The following NR1H4 variants were observed in gnomAD, a reference collection of about 807,000 sequenced individuals.
The protein encoded by NR1H4 is bile acid receptor.
In NR1H4, 23 loss-of-function variants were observed where a neutral mutation model predicts 58.5. The observed-to-expected ratio is 0.39, with a 90% CI of 0.28 to 0.56. The LOEUF (loss-of-function observed/expected upper bound fraction) is 0.56. Ranked by LOEUF, NR1H4 falls within the 20% of genes least tolerant of loss-of-function variation. The pLI is 0.58. For missense variants in NR1H4, 487 were observed against 576.9 expected (o/e 0.84, Z 1.60); for synonymous variants, 214 against 198.0 (o/e 1.08, Z -0.68).
At chr12:100,561,343 A>G (rs35725) in intron 9 of NR1H4, among the ~76,000 whole-genome samples, 80,080 of 151,878 alleles carry the variant, frequency 0.53, 21,918 homozygotes, top group Non-Finnish European at 0.62. Flanking sequence ...GCTTGCTGTA[A>G]GCCGAGATCA....
chr12:100,532,415 G>A (rs201826520), intron 4 of NR1H4, 43 bp from the exon 5 acceptor site: 162 of 1,608,416 alleles, frequency 1.0e-4, no homozygotes, highest in African/African-American at 1.3e-5. Context: ...TTCCTGAGAA[G>A]CTGTGAGAGG....
chr12:100,514,007 G>A (rs1954200057), intron 4 of NR1H4, among the ~76,000 whole-genome samples: 1 of 152,226 alleles, frequency 6.6e-6, no homozygotes, highest in Non-Finnish European at 1.5e-5. Context: ...AGTAGCTCTA[G>A]TCAAAAAGTG....
At chr12:100,552,211 C>G (rs1955218698) in intron 9 of NR1H4, among the ~76,000 whole-genome samples, 1 of 152,184 alleles carries the variant, frequency 6.6e-6, no homozygotes, top group Non-Finnish European at 1.5e-5. Flanking sequence ...ACAGTCCAAA[C>G]TCTGGTAACT....
intron 3 of NR1H4, among the ~76,000 whole-genome samples, chr12:100,508,838 C>T (rs1228643767): frequency 6.6e-6 from 1 of 152,176 alleles, no homozygotes; most frequent in Non-Finnish European, 1.5e-5. Context: ...AAGTTTGGCA[C>T]ACACTTTTTT....
At chr12:100,562,902 A>G (rs892361231) in intron 10 of NR1H4, among the ~76,000 whole-genome samples, 1 of 152,242 alleles carries the variant, frequency 6.6e-6, no homozygotes, top group Non-Finnish European at 1.5e-5. Context: ...AAAACTATTC[A>G]GCAGAACCTT....
intron 4 of NR1H4, among the ~76,000 whole-genome samples, chr12:100,529,298 C>T (rs1389825989): frequency 6.6e-6 from 1 of 152,160 alleles, no homozygotes; most frequent in African/African-American, 2.4e-5. Flanking sequence ...TTCTGTCCCA[C>T]TTTAGTTCAG....
chr12:100,548,195 G>A lies in NR1H4; in HGVS notation c.1078+7377G>A, dbSNP rs548527347. On this transcript the variant is annotated intron_variant, in intron 9 of 10. Transcript: ENST00000392986. The stretch of plus-strand genomic sequence containing the variant: ...ATCCTGGCTAACATGGTGAAACCCC[G>A]TCTCTACTAAAAATATAAAAAATTA... Among the ~76,000 whole-genome samples the A allele has an allele frequency of 1.1e-3, 160 of 149,646 alleles. 1 individual carries two copies. The highest frequency in any genetic ancestry group is 1.6e-3 in the Non-Finnish European group (107 of 67,204).
At chr12:100,518,223 G>A (rs1303663553) in intron 4 of NR1H4, among the ~76,000 whole-genome samples, 1 of 152,188 alleles carries the variant, frequency 6.6e-6, no homozygotes, top group Non-Finnish European at 1.5e-5. Flanking sequence ...AGACCAGTGG[G>A]CCAAGGACAA....
intron 1 of NR1H4, among the ~76,000 whole-genome samples, chr12:100,476,276 CAG>C (rs753694362): frequency 3.9e-5 from 6 of 152,226 alleles, no homozygotes; most frequent in South Asian, 4.2e-4. Flanking sequence ...TCCAGCCTGA[CAG>C]GGGTGATTTG....
intron 1 of NR1H4, among the ~76,000 whole-genome samples, chr12:100,486,260 T>C (rs183897637): frequency 1.3e-5 from 2 of 152,210 alleles, no homozygotes; most frequent in South Asian, 2.1e-4. Context: ...TTTCTGCATA[T>C]GTAAAACATT....
At chr12:100,489,486 C>G (rs1953562365) in intron 1 of NR1H4, among the ~76,000 whole-genome samples, 1 of 152,160 alleles carries the variant, frequency 6.6e-6, no homozygotes, top group South Asian at 2.1e-4. Flanking sequence ...TTTATAGGCA[C>G]TGAATATGAA....
At chr12:100,506,263 T>G (rs1953963487) in intron 3 of NR1H4, among the ~76,000 whole-genome samples, 1 of 152,108 alleles carries the variant, frequency 6.6e-6, no homozygotes, top group African/African-American at 2.4e-5. Flanking sequence ...TATTTTACAC[T>G]CAGAACTACC....
intron 3 of NR1H4, among the ~76,000 whole-genome samples, chr12:100,495,003 A>C (rs923268943): frequency 1.3e-5 from 2 of 152,222 alleles, no homozygotes; most frequent in Non-Finnish European, 2.9e-5. Context: ...TTCAGCCAGC[A>C]CAGAAGATTT....
At chr12:100,499,982 C>T (rs949090619) in intron 3 of NR1H4, 25 of 455,812 alleles carry the variant, frequency 5.5e-5, no homozygotes, top group Admixed American at 5.4e-4. Context: ...ATCACAAGTA[C>T]TCTATTTGCC....
chr12:100,512,765 C>T (rs754297441), intron 4 of NR1H4, among the ~76,000 whole-genome samples: 1 of 152,188 alleles, frequency 6.6e-6, no homozygotes. Context: ...AGGCACTCTG[C>T]TAACATCTAG....
intron 4 of NR1H4, among the ~76,000 whole-genome samples, chr12:100,527,645 C>T (rs1954592980): frequency 6.6e-6 from 1 of 152,208 alleles, no homozygotes; most frequent in Admixed American, 6.5e-5. Context: ...GTAACTCAGT[C>T]TCCTCTTTGG....
chr12:100,482,029 G>A (rs1953392993), intron 1 of NR1H4, among the ~76,000 whole-genome samples: 1 of 152,194 alleles, frequency 6.6e-6, no homozygotes, highest in Admixed American at 6.5e-5. Flanking sequence ...TTGAGCCTGG[G>A]AGGTCAAGAC....
At chr12:100,484,103 A>C (rs907931580) in intron 1 of NR1H4, among the ~76,000 whole-genome samples, 2 of 152,320 alleles carry the variant, frequency 1.3e-5, no homozygotes, top group Non-Finnish European at 2.9e-5. Context: ...CCCTTTAAAA[A>C]TGGATTACAT....
intron 1 of NR1H4, among the ~76,000 whole-genome samples, chr12:100,480,043 A>T (rs569020441): frequency 1.3e-5 from 2 of 152,300 alleles, no homozygotes; most frequent in East Asian, 3.9e-4. Flanking sequence ...TGACTTGTGT[A>T]TTATTCACTT....
Sources: gnomAD v4.1 joint callset for allele counts (sites outside exome capture counted in the v4.1 genomes callset) on GRCh38, gnomAD v4.1.1 for gene constraint, MANE v1.5 for transcripts, NCBI Gene and HGNC (gene_info 2026-07-23, HGNC 2026-07-21) for gene names.